Variants in CRIM1 observed in about 807,000 individuals in gnomAD.
CRIM1 encodes the protein cysteine rich transmembrane BMP regulator 1, also known as cysteine-rich motor neuron 1 protein.
A neutral mutation model predicts 116.4 loss-of-function variants in CRIM1; 32 were observed. That is an observed-to-expected ratio of 0.27 (90% CI 0.21 to 0.37). The LOEUF is 0.37. Ranked by LOEUF, CRIM1 falls within the 10% of genes least tolerant of loss-of-function variation. The pLI is 1.00. For synonymous variants in CRIM1, 590 were observed against 509.2 expected (o/e 1.16, Z -2.13); for missense variants, 1,331 against 1,354.8 (o/e 0.98, Z 0.28).
chr2:36,508,905 T>G (rs7585375), intron 8 of CRIM1, among the ~76,000 whole-genome samples: 27 of 150,744 alleles, frequency 1.8e-4, no homozygotes, highest in African/African-American at 6.7e-4. Context: ...CACTCCAGAT[T>G]CTGCTAACGG....
At chr2:36,491,662 A>C (rs7573388) in intron 7 of CRIM1, among the ~76,000 whole-genome samples, 4,994 of 152,256 alleles carry the variant, frequency 0.033, 262 homozygotes, top group African/African-American at 0.11. Flanking sequence ...GAGGTTATAA[A>C]CAATGAATGA....
intron 13 of CRIM1, among the ~76,000 whole-genome samples, chr2:36,534,995 T>C (rs1287260257): frequency 6.6e-6 from 1 of 152,072 alleles, no homozygotes; most frequent in Admixed American, 6.5e-5. Flanking sequence ...GACTCTAAAT[T>C]TGATGGCCAA....
intron 13 of CRIM1, among the ~76,000 whole-genome samples, chr2:36,530,622 G>A (rs898228362): frequency 7.9e-5 from 12 of 152,158 alleles, no homozygotes; most frequent in African/African-American, 2.4e-4. Flanking sequence ...ATTTTTAGAA[G>A]TACTTCCCCT....
chr2:36,467,354 T>A (rs848559), intron 5 of CRIM1, among the ~76,000 whole-genome samples: 134,340 of 152,274 alleles, frequency 0.88, 59,362 homozygotes, highest in East Asian at 1. Context: ...CCTGCATTTT[T>A]CTTCTTTTGA....
chr2:36,511,466 T>C (rs1445296012), intron 9 of CRIM1, among the ~76,000 whole-genome samples: 1 of 152,220 alleles, frequency 6.6e-6, no homozygotes, highest in Non-Finnish European at 1.5e-5. Flanking sequence ...AATAAGAGTA[T>C]TATGTCTTAG....
Position 36,546,986 on chromosome 2 carries a change from A to G in CRIM1, c.2749A>G (p.Met917Val). The G allele has an allele frequency of 6.4e-7, 1 of 1,573,660 alleles. No homozygotes were observed. Among genetic ancestry groups the G allele is most frequent in the Non-Finnish European group, 8.6e-7 (1 of 1,158,548 alleles). Residue 917 changes from methionine to valine, a missense_variant and splice_region_variant, in exon 16 of 17, where the codon ATG (methionine) becomes GTG (valine). This residue lies in a region of CRIM1 where 283 missense variants were observed against 242.8 expected (regional missense o/e 1.17). Coordinates refer to ENST00000280527, the MANE Select transcript of CRIM1 (RefSeq NM_016441.3). ...ENDIVHLPRD[M>V]GHLQVDYRDN... ...GCTTATAATTTTTTTTCTCCTAGATATGGGTCACCTCCAGGTAGATTACAG... is the reference window on the plus strand; with the variant it reads ...GCTTATAATTTTTTTTCTCCTAGATGTGGGTCACCTCCAGGTAGATTACAG...
At chr2:36,455,095 A>G (rs141622660) in intron 4 of CRIM1, among the ~76,000 whole-genome samples, 6 of 152,268 alleles carry the variant, frequency 3.9e-5, no homozygotes, top group African/African-American at 1.4e-4. Flanking sequence ...GTGGTAGAGC[A>G]TGGGCCAGGG....
At chr2:36,531,850 A>AT (rs1397949117) in intron 13 of CRIM1, 1 of 467,340 alleles carries the variant, frequency 2.1e-6, no homozygotes, top group Admixed American at 2.4e-5. Flanking sequence ...GATGCAAGAT[A>AT]ATATTGCTCA....
intron 11 of CRIM1, 34 bp downstream of exon 11, chr2:36,513,799 G>A: frequency 6.3e-7 from 1 of 1,590,846 alleles, no homozygotes; most frequent in South Asian, 1.1e-5. Context: ...TGCTCCATAA[G>A]CAAATGACTT....
chr2:36,360,285 T>G (rs751655791), intron 1 of CRIM1, among the ~76,000 whole-genome samples: 2 of 152,190 alleles, frequency 1.3e-5, no homozygotes, highest in African/African-American at 4.8e-5. Context: ...AGGAACCAGG[T>G]GGAGACTACT....
At chr2:36,412,702 T>C (rs993873171) in intron 2 of CRIM1, among the ~76,000 whole-genome samples, 2 of 152,212 alleles carry the variant, frequency 1.3e-5, no homozygotes, top group East Asian at 1.9e-4. Flanking sequence ...AAATTTGATA[T>C]ACAAAATTTT....
At chr2:36,428,399 T>C (rs1203551516) in intron 2 of CRIM1, among the ~76,000 whole-genome samples, 1 of 152,252 alleles carries the variant, frequency 6.6e-6, no homozygotes, top group Non-Finnish European at 1.5e-5. Flanking sequence ...TTGATTCCCC[T>C]ATTCTCTTGT....
At chr2:36,500,810 C>T (rs954160316) in intron 8 of CRIM1, among the ~76,000 whole-genome samples, 1 of 152,218 alleles carries the variant, frequency 6.6e-6, no homozygotes, top group Admixed American at 6.5e-5. Flanking sequence ...TAGCTGACAA[C>T]ATATATCTCC....
intron 2 of CRIM1, among the ~76,000 whole-genome samples, chr2:36,416,062 G>C (rs1347706933): frequency 1.3e-5 from 2 of 152,098 alleles, no homozygotes; most frequent in Non-Finnish European, 2.9e-5. Flanking sequence ...ATAAAAATTA[G>C]CTTGGCATGG....
intron 2 of CRIM1, among the ~76,000 whole-genome samples, chr2:36,415,863 C>T (rs1196766620): frequency 1.3e-5 from 2 of 152,154 alleles, no homozygotes; most frequent in Admixed American, 6.5e-5. Context: ...AAAGCAGGGA[C>T]GGTGCCTGGC....
chr2:36,488,183 T>A (rs1199350243), intron 7 of CRIM1, among the ~76,000 whole-genome samples: 1 of 152,232 alleles, frequency 6.6e-6, no homozygotes, highest in African/African-American at 2.4e-5. Context: ...CTTTTCTGTG[T>A]TGTATCTATC....
chr2:36,434,975 C>T (rs766249756), intron 2 of CRIM1, among the ~76,000 whole-genome samples: 6 of 152,090 alleles, frequency 3.9e-5, no homozygotes, highest in Non-Finnish European at 7.4e-5. Context: ...ACATGGCACC[C>T]GTATCACTGA....
In CRIM1 at chr2:36,537,632, TC is replaced by T. The variant is rs1369514450; in HGVS notation, c.2623+87del. 9 of 1,388,488 alleles carry T rather than the reference TC, an allele frequency of 6.5e-6. No homozygotes were observed. The East Asian group carries it at 7.6e-5, about 12-fold the overall frequency. 86.0% of individuals were successfully genotyped at this position (1,388,488 alleles called of 1,614,324 possible). A position where few individuals can be genotyped will look rare whatever the true frequency, so the allele number is the denominator to read the frequency against. ...AGCAGAGCTCGACCTGCCCCTTCTT[TC>T]ATTCGTTCACACGGCCCAAGTAGCG... On this transcript the variant is annotated intron_variant, in intron 14 of 16. Transcript: ENST00000280527.
intron 7 of CRIM1, among the ~76,000 whole-genome samples, chr2:36,487,961 C>T (rs1248629961): frequency 6.6e-6 from 1 of 152,082 alleles, no homozygotes; most frequent in Non-Finnish European, 1.5e-5. Context: ...AATTTGCCTA[C>T]AGAAACAGGT....
Sources: gnomAD v4.1 joint callset for allele counts (sites outside exome capture counted in the v4.1 genomes callset) on GRCh38, gnomAD v4.1.1 for gene constraint, gnomAD v4.1.1 regional missense constraint, MANE v1.5 for transcripts, NCBI Gene and HGNC (gene_info 2026-07-23, HGNC 2026-07-21) for gene names.